NAALADL2: variants seen among roughly 807,000 people sequenced by gnomAD.
NAALADL2 encodes the protein inactive N-acetylated-alpha-linked acidic dipeptidase-like protein 2.
In NAALADL2, 76 loss-of-function variants were observed where a neutral mutation model predicts 87.2. The observed-to-expected ratio is 0.87, with a 90% CI of 0.72 to 1.05. The LOEUF (loss-of-function observed/expected upper bound fraction) is 1.05. NAALADL2 is among the 50% of genes least tolerant of loss of function. The pLI is 0.00. For synonymous variants in NAALADL2, 354 were observed against 331.0 expected (o/e 1.07, Z -0.75); for missense variants, 1,089 against 945.8 (o/e 1.15, Z -1.99).
chr3:175,001,716 C>T (rs909489856), intron 1 of NAALADL2, among the ~76,000 whole-genome samples: 8 of 151,652 alleles, frequency 5.3e-5, no homozygotes, highest in Non-Finnish European at 7.4e-5. Flanking sequence ...AATTATTCCA[C>T]GTGAAAAAAA....
chr3:175,275,060 C>A (rs895442610), intron 4 of NAALADL2, among the ~76,000 whole-genome samples: 3 of 152,118 alleles, frequency 2.0e-5, no homozygotes, highest in African/African-American at 4.8e-5. Flanking sequence ...TGCTCAGGTA[C>A]TTTTTACTGA....
At chr3:175,093,922 T>G (rs946857360) in intron 1 of NAALADL2, among the ~76,000 whole-genome samples, 1 of 151,966 alleles carries the variant, frequency 6.6e-6, no homozygotes, top group African/African-American at 2.4e-5. Context: ...AAATTGCTGA[T>G]GTACATGTGA....
At chr3:175,566,971 G>A (rs890292372) in intron 9 of NAALADL2, among the ~76,000 whole-genome samples, 20 of 151,972 alleles carry the variant, frequency 1.3e-4, no homozygotes, top group African/African-American at 4.8e-4. Context: ...TCATTCTGAG[G>A]TTATTAAAAT....
chr3:174,936,003 A>C (rs1339366634), intron 1 of NAALADL2, among the ~76,000 whole-genome samples: 1 of 152,160 alleles, frequency 6.6e-6, no homozygotes, highest in Admixed American at 6.5e-5. Flanking sequence ...CAAAAATGAT[A>C]TATAGAGAAG....
intron 5 of NAALADL2, among the ~76,000 whole-genome samples, chr3:175,352,000 AC>A (rs1219534638): frequency 6.6e-6 from 1 of 152,122 alleles, no homozygotes; most frequent in African/African-American, 2.4e-5. Flanking sequence ...AACAGGATGG[AC>A]CCACACACAG....
At chr3:175,329,641 G>A (rs1374118309) in intron 5 of NAALADL2, among the ~76,000 whole-genome samples, 2 of 152,126 alleles carry the variant, frequency 1.3e-5, no homozygotes, top group Non-Finnish European at 2.9e-5. Flanking sequence ...GGAAAATAAA[G>A]TGTCTGAATT....
chr3:175,644,879 T>C (rs757615218), intron 11 of NAALADL2, among the ~76,000 whole-genome samples: 3 of 152,180 alleles, frequency 2.0e-5, no homozygotes, highest in Non-Finnish European at 4.4e-5. Context: ...AATGAAGTGA[T>C]TGCAATAGCA....
At chr3:174,677,631 T>C (rs1295319116) in intron 2 of NAALADL2, among the ~76,000 whole-genome samples, 1 of 152,134 alleles carries the variant, frequency 6.6e-6, no homozygotes, top group East Asian at 1.9e-4. Context: ...AACATTTTTA[T>C]ATATCAGTCA....
Position 175,565,164 on chromosome 3 carries a change from A to G in NAALADL2, c.1654-10877A>G, listed in dbSNP as rs192314844. On this transcript the variant is annotated intron_variant, in intron 9 of 13. Transcript: ENST00000454872. ...GCCAGCAGTGGAGGTTGAAGAGAGC[A>G]ACAATCTAAGTTAGAAACTTCTGCC... 2.0e-5 allele frequency among the ~76,000 whole-genome samples: 3 copies of G among 152,310 alleles called. No homozygotes were observed. In the East Asian group the frequency reaches 5.8e-4, roughly 29 times the overall value.
At chr3:175,301,596 G>A (rs1757094066) in intron 4 of NAALADL2, among the ~76,000 whole-genome samples, 1 of 152,168 alleles carries the variant, frequency 6.6e-6, no homozygotes, top group Non-Finnish European at 1.5e-5. Context: ...TTGATGTAAT[G>A]AGAATGGGTG....
chr3:174,947,250 A>C (rs559095585), intron 1 of NAALADL2, among the ~76,000 whole-genome samples: 15 of 152,146 alleles, frequency 9.9e-5, no homozygotes, highest in Non-Finnish European at 2.1e-4. Context: ...CAAATGCAAC[A>C]TGAGTGGGTT....
intron 2 of NAALADL2, among the ~76,000 whole-genome samples, chr3:175,180,315 A>G (rs1013019317): frequency 1.3e-5 from 2 of 152,038 alleles, no homozygotes; most frequent in Non-Finnish European, 2.9e-5. Context: ...CACATTGATT[A>G]TTTTAATGCA....
chr3:175,075,160 A>G (rs1580312271), intron 1 of NAALADL2, among the ~76,000 whole-genome samples: 1 of 152,092 alleles, frequency 6.6e-6, no homozygotes, highest in East Asian at 1.9e-4. Context: ...TGAATTTCAG[A>G]GTGGCTAAGC....
At chr3:175,129,546 C>A (rs191835343) in intron 2 of NAALADL2, among the ~76,000 whole-genome samples, 11 of 152,234 alleles carry the variant, frequency 7.2e-5, no homozygotes, top group African/African-American at 2.6e-4. Context: ...GTAGAGTCTG[C>A]ATAAAAGTGT....
At chr3:175,089,955 C>T (rs1719771117) in intron 1 of NAALADL2, among the ~76,000 whole-genome samples, 1 of 152,112 alleles carries the variant, frequency 6.6e-6, no homozygotes, top group East Asian at 1.9e-4. Flanking sequence ...AATTTTTTCT[C>T]CTCCACTCTT....
At chr3:175,588,710 T>C (rs542980626) in intron 10 of NAALADL2, among the ~76,000 whole-genome samples, 163 of 152,120 alleles carry the variant, frequency 1.1e-3, no homozygotes, top group African/African-American at 3.8e-3. Context: ...GGCTAATGTT[T>C]TGTATTTTTG....
chr3:174,720,661 T>C (rs893988117), intron 2 of NAALADL2, among the ~76,000 whole-genome samples: 1 of 152,138 alleles, frequency 6.6e-6, no homozygotes, highest in Non-Finnish European at 1.5e-5. Flanking sequence ...AAAAAAAAAT[T>C]ATCGTTACAA....
intron 1 of NAALADL2, among the ~76,000 whole-genome samples, chr3:175,044,701 G>A (rs1293579839): frequency 1.3e-5 from 2 of 152,016 alleles, no homozygotes; most frequent in African/African-American, 4.8e-5. Context: ...TTTCTATGGG[G>A]CCACATAGGT....
intron 3 of NAALADL2, among the ~76,000 whole-genome samples, chr3:174,815,221 T>C (rs1251801585): frequency 1.3e-5 from 2 of 152,160 alleles, no homozygotes; most frequent in Admixed American, 6.5e-5. Context: ...TACCACAGAC[T>C]GGGTGGCTTA....
Sources: allele counts gnomAD v4.1 joint callset (sites outside exome capture counted in the v4.1 genomes callset), GRCh38; gene constraint gnomAD v4.1.1; transcripts MANE v1.5; gene names NCBI Gene and HGNC (gene_info 2026-07-23, HGNC 2026-07-21).